The following CNGB3 variants were observed in gnomAD, a reference collection of about 807,000 sequenced individuals.
The protein encoded by CNGB3 is cyclic nucleotide-gated channel beta-3.
CNGB3 carries 86 observed loss-of-function variants against 92.8 expected under a neutral mutation model. The observed-to-expected ratio is 0.93, with a 90% CI of 0.78 to 1.11. The LOEUF is 1.11. Ranked by LOEUF, CNGB3 falls within the 50% of genes least tolerant of loss-of-function variation. CNGB3 has a pLI of 0.00. For synonymous variants in CNGB3, 333 were observed against 332.7 expected, an observed-to-expected ratio of 1.00 and a Z score of -0.01; for missense variants, 1,026 against 956.8, an observed-to-expected ratio of 1.07 and a Z score of -0.95.
rs1554618958 is a variant in CNGB3, at chr8:86,735,042, G to GGTTTTTT, written c.211+4612_211+4613insAAAAAAC. Among the ~76,000 whole-genome samples the GGTTTTTT allele has an allele frequency of 5.3e-3, 456 of 85,872 alleles. 72 individuals are homozygous for GGTTTTTT. Among genetic ancestry groups the GGTTTTTT allele is most frequent in the Middle Eastern group, 0.022 (2 of 92 alleles). 56.3% of individuals were successfully genotyped at this position (85,872 alleles called of 152,430 possible). On this transcript the variant is annotated intron_variant, in intron 2 of 17. Transcript: ENST00000320005. ...CATGTCAAATTCTCAAATGCCGGTGGTTTTTTTTTTTTTTTTTTTTTTTTT... is the reference window on the plus strand; with the variant it reads ...CATGTCAAATTCTCAAATGCCGGTGGGTTTTTTTTTTTTTTTTTTTTTTTTTTTTTTT...
At position 86,633,377 on chromosome 8, in the gene CNGB3, C is replaced by T. The variant is rs564697066; in HGVS notation, c.1179-484G>A. Among the ~76,000 whole-genome samples the T allele has an allele frequency of 1.5e-4, 23 of 152,280 alleles. 1 individual carries two copies. In the South Asian group the frequency reaches 4.8e-3, roughly 32 times the overall value. On this transcript the variant is annotated intron_variant, in intron 10 of 17. Transcript: ENST00000320005. ...TTGGAATGCCCAAGGTAGCTGCTTACCTCACATGTCTGATCCTGAGCTGGG... is the reference window on the plus strand; with the variant it reads ...TTGGAATGCCCAAGGTAGCTGCTTATCTCACATGTCTGATCCTGAGCTGGG...
intron 3 of CNGB3, among the ~76,000 whole-genome samples, chr8:86,688,519 G>A (rs952855743): frequency 6.6e-6 from 1 of 151,988 alleles, no homozygotes; most frequent in African/African-American, 2.4e-5. Flanking sequence ...GAATACCACA[G>A]GCCTGCTTGA....
rs529586546 is a variant in CNGB3 at position 86,685,335 on chromosome 8, C to T, written c.339-14237G>A. Among the ~76,000 whole-genome samples the T allele has an allele frequency of 2.0e-4, 30 of 152,160 alleles. No individual in the cohort carries two copies. The South Asian group carries it at 3.7e-3, about 19-fold the overall frequency. On this transcript the variant is annotated intron_variant, in intron 3 of 17. Coordinates refer to ENST00000320005, the MANE Select transcript of CNGB3 (RefSeq NM_019098.5). ...CCACAGACCTGTCACATTGGCATCC[C>T]CTGAGCACTTGTCTGGGCCCCTTCC...
chr8:86,654,708 T>C (rs1035178315), intron 6 of CNGB3, among the ~76,000 whole-genome samples: 4 of 152,180 alleles, frequency 2.6e-5, no homozygotes, highest in Admixed American at 1.3e-4. Flanking sequence ...ATGAAACTTT[T>C]TCTTTTCAAA....
At chr8:86,662,275 T>C (rs962532006) in intron 6 of CNGB3, among the ~76,000 whole-genome samples, 1 of 152,252 alleles carries the variant, frequency 6.6e-6, no homozygotes, top group African/African-American at 2.4e-5. Flanking sequence ...TAAATAATTA[T>C]TCAAAGAAAT....
intron 3 of CNGB3, among the ~76,000 whole-genome samples, chr8:86,718,915 A>C (rs1023403238): frequency 6.6e-6 from 1 of 152,124 alleles, no homozygotes; most frequent in African/African-American, 2.4e-5. Flanking sequence ...ATTAAAAACA[A>C]AATTACATGA....
chr8:86,656,938 C>A (rs925249849), intron 6 of CNGB3, among the ~76,000 whole-genome samples: 1 of 152,146 alleles, frequency 6.6e-6, no homozygotes, highest in African/African-American at 2.4e-5. Flanking sequence ...GGTGGCCCTA[C>A]CCTGGAATAT....
chr8:86,579,168 C>A lies in CNGB3; in HGVS notation c.1866G>T (p.Lys622Asn). ...GFANLLTLDK[K>N]TLQEILVHYP... ...AATGCACTAGAATTTCTTGGAGGGT[C>A]TTTTTGTCTAGAGTTAAAAGATTGG... The change falls in exon 16 of 18, where the codon AAG (lysine) becomes AAT (asparagine). Residue 622 changes from lysine to asparagine, a missense_variant. By Grantham distance (94) the Lys-to-Asn change is moderately conservative. Transcript: ENST00000320005. The A allele has an allele frequency of 6.2e-7, 1 of 1,614,160 alleles. No homozygotes were observed. The highest frequency in any genetic ancestry group is 8.5e-7 in the Non-Finnish European group (1 of 1,180,034).
In CNGB3 at chr8:86,588,151, G is replaced by C. The variant is rs370719705; in HGVS notation, c.1782-8899C>G. On this transcript the variant is annotated intron_variant, in intron 15 of 17. Coordinates refer to ENST00000320005, the MANE Select transcript of CNGB3 (RefSeq NM_019098.5). The stretch of plus-strand genomic sequence containing the variant: ...TTGGCTCTCTGTTTGTCTGTTGTTG[G>C]TGTATAGGAATGCTTGTGATTTTTG... Among the ~76,000 whole-genome samples, 127 of 146,200 alleles carry C rather than the reference G, an allele frequency of 8.7e-4. 3 individuals carry two copies. The East Asian group carries it at 0.017, about 20-fold the overall frequency.
intron 13 of CNGB3, among the ~76,000 whole-genome samples, chr8:86,619,751 T>TTTG (rs1822690073): frequency 8.2e-6 from 1 of 121,216 alleles, no homozygotes; most frequent in African/African-American, 2.7e-5. Flanking sequence ...TTTTTTTTTT[T>TTTG]GCGACAGGGT....
chr8:86,742,613 T>C (rs1325604533), intron 1 of CNGB3, among the ~76,000 whole-genome samples: 1 of 152,206 alleles, frequency 6.6e-6, no homozygotes, highest in African/African-American at 2.4e-5. Flanking sequence ...AAATAACTAC[T>C]GCTCTAAAAA....
chr8:86,657,836 T>C, intron 6 of CNGB3: 1 of 522,612 alleles, frequency 1.9e-6, no homozygotes. Context: ...TCTTCAGCAC[T>C]GACCTCTAGC....
intron 3 of CNGB3, among the ~76,000 whole-genome samples, chr8:86,683,758 A>T (rs1416413126): frequency 2.0e-5 from 3 of 152,182 alleles, no homozygotes; most frequent in Admixed American, 2.0e-4. Context: ...CTTTTCAACA[A>T]ATGGTGCTGG....
chr8:86,616,372 T>C lies in CNGB3; in HGVS notation c.1579-4701A>G, dbSNP rs60708502. Among the ~76,000 whole-genome samples the C allele has an allele frequency of 7.7e-3, 1,180 of 152,330 alleles. 16 individuals are homozygous for C. Among genetic ancestry groups the C allele is most frequent in the African/African-American group, 0.026 (1,076 of 41,570 alleles). ...CTTTGGTTTAGGACTAAATCTTTCT[T>C]ATTTGGATTTAGGCCTAGTGAAATA... On this transcript the variant is annotated intron_variant, in intron 13 of 17. Coordinates refer to ENST00000320005, the MANE Select transcript of CNGB3 (RefSeq NM_019098.5).
At chr8:86,689,224 T>C (rs1310568305) in intron 3 of CNGB3, among the ~76,000 whole-genome samples, 1 of 151,904 alleles carries the variant, frequency 6.6e-6, no homozygotes, top group East Asian at 1.9e-4. Context: ...GAATGATCCA[T>C]TTGCTGAGAA....
Position 86,589,943 on chromosome 8 carries a change from A to G in CNGB3, c.1782-10691T>C, listed in dbSNP as rs868242016. 1.3e-3 allele frequency among the ~76,000 whole-genome samples: 189 copies of G among 150,084 alleles called. 1 individual carries two copies. The highest frequency in any genetic ancestry group is 6.8e-3 in the Middle Eastern group (2 of 292). On this transcript the variant is annotated intron_variant, in intron 15 of 17. Coordinates refer to ENST00000320005, the MANE Select transcript of CNGB3 (RefSeq NM_019098.5). ...TGTCTAATGTTGACAGTGGGGTGTT[A>G]AAGTCTCCCATTATTATTGTGTGGG...
intron 3 of CNGB3, among the ~76,000 whole-genome samples, chr8:86,672,684 G>C (rs919468485): frequency 4.6e-5 from 7 of 152,124 alleles, no homozygotes; most frequent in Non-Finnish European, 8.8e-5. Context: ...TCAGTATTGA[G>C]TATGAGCCCC....
At position 86,578,865 on chromosome 8, in the gene CNGB3, T is replaced by G; in HGVS notation, c.1929-2A>C. 6.2e-7 allele frequency: 1 copy of G among 1,614,198 alleles called. No individual in the cohort carries two copies. Among genetic ancestry groups the G allele is most frequent in the Non-Finnish European group, 8.5e-7 (1 of 1,180,018 alleles). ...TTAGCCTTCTGCTTTAAAAGCACTCTGTGGGTAAGAGAGAAAAGCTGTTTT... is the reference window on the plus strand; with the variant it reads ...TTAGCCTTCTGCTTTAAAAGCACTCGGTGGGTAAGAGAGAAAAGCTGTTTT... On this transcript the variant is annotated splice_acceptor_variant, in intron 16 of 17. Coordinates refer to ENST00000320005, the MANE Select transcript of CNGB3 (RefSeq NM_019098.5). LOFTEE classifies it high-confidence loss of function.
chr8:86,576,256 G>T, intron 17 of CNGB3, 126 bp from the exon 18 acceptor site: 1 of 1,013,872 alleles, frequency 9.9e-7, no homozygotes, highest in Non-Finnish European at 1.5e-6. Context: ...GTGAATCCAG[G>T]AATCATGTCT....
Sources: gnomAD v4.1 joint callset for allele counts (sites outside exome capture counted in the v4.1 genomes callset) on GRCh38, gnomAD v4.1.1 for gene constraint, MANE v1.5 for transcripts, NCBI Gene and HGNC (gene_info 2026-07-23, HGNC 2026-07-21) for gene names.